The following IL17RD variants were observed in gnomAD, a reference collection of about 807,000 sequenced individuals.
IL17RD encodes interleukin 17 receptor D, also known as interleukin-17 receptor D.
In IL17RD, 52 loss-of-function variants were observed where a neutral mutation model predicts 80.5. The observed-to-expected ratio is 0.65, with a 90% confidence interval of 0.52 to 0.81. The LOEUF (loss-of-function observed/expected upper bound fraction) is 0.81. Among genes scored for constraint, IL17RD ranks in the 40% least tolerant of loss-of-function variants. The pLI is 0.00. For missense variants in IL17RD, 1,024 were observed against 955.1 expected (o/e 1.07, Z -0.95); for synonymous variants, 416 against 391.8 (o/e 1.06, Z -0.73).
At chr3:57,133,325 C>T (rs1707652666) in intron 1 of IL17RD, among the ~76,000 whole-genome samples, 1 of 152,172 alleles carries the variant, frequency 6.6e-6, no homozygotes, top group Admixed American at 6.5e-5. Context: ...GCAGTCTGTT[C>T]TTAAACTATA....
Position 57,094,972 on chromosome 3 carries a change from G to A in IL17RD, c.*1421C>T, listed in dbSNP as rs1179996039. 1 of 152,590 alleles carries A rather than the reference G, an allele frequency of 6.6e-6. No individual in the cohort carries two copies. The highest frequency in any genetic ancestry group is 1.5e-5 in the Non-Finnish European group (1 of 68,038). The allele number at this position is 152,590 out of a possible 1,614,324, so 9.5% of individuals were successfully genotyped here. On this transcript the variant is annotated 3_prime_UTR_variant, in exon 13 of 13. Transcript: ENST00000296318. ...ATACACAAACCTTTTCTTTCCAGCAGGGGTGCAAGCCCCCCTTTCCCCACC... is the reference window on the plus strand; with the variant it reads ...ATACACAAACCTTTTCTTTCCAGCAAGGGTGCAAGCCCCCCTTTCCCCACC...
chr3:57,126,176 A>G (rs1707454784), intron 1 of IL17RD, among the ~76,000 whole-genome samples: 2 of 152,256 alleles, frequency 1.3e-5, no homozygotes, highest in African/African-American at 4.8e-5. Context: ...ATGCCAATGC[A>G]GTGGACTCAG....
At chr3:57,109,690 G>C in intron 4 of IL17RD, 33 bp from the exon 5 acceptor site, 1 of 1,602,166 alleles carries the variant, frequency 6.2e-7, no homozygotes, top group Non-Finnish European at 8.5e-7. Flanking sequence ...TGACATCATG[G>C]AGAAATTACC....
intron 11 of IL17RD, among the ~76,000 whole-genome samples, chr3:57,099,726 A>G (rs1036575391): frequency 1.1e-4 from 16 of 152,232 alleles, no homozygotes; most frequent in Admixed American, 2.6e-4. Flanking sequence ...CAGCAATTCC[A>G]TTTCCAGGCA....
At chr3:57,135,145 C>CA (rs113125013) in intron 1 of IL17RD, among the ~76,000 whole-genome samples, 32,606 of 151,364 alleles carry the variant, frequency 0.22, 4,090 homozygotes, top group East Asian at 0.38. Flanking sequence ...AAAAAACACA[C>CA]AAAAAAAACA....
intron 1 of IL17RD, among the ~76,000 whole-genome samples, chr3:57,154,729 GT>G (rs2060256399): frequency 6.6e-6 from 1 of 152,170 alleles, no homozygotes; most frequent in Non-Finnish European, 1.5e-5. Flanking sequence ...CCCTGAAGCA[GT>G]CTTCCGCCAG....
At chr3:57,157,647 C>T (rs1265178526) in intron 1 of IL17RD, among the ~76,000 whole-genome samples, 1 of 152,228 alleles carries the variant, frequency 6.6e-6, no homozygotes, top group African/African-American at 2.4e-5. Flanking sequence ...GCTCAGGCGG[C>T]GGACTGCTGC....
At chr3:57,099,372 C>T (rs1706775343) in intron 11 of IL17RD, among the ~76,000 whole-genome samples, 1 of 152,158 alleles carries the variant, frequency 6.6e-6, no homozygotes, top group Non-Finnish European at 1.5e-5. Flanking sequence ...CATGTGTGGC[C>T]CCTTAGAGGA....
intron 1 of IL17RD, among the ~76,000 whole-genome samples, chr3:57,136,530 G>A (rs1346746718): frequency 1.3e-5 from 2 of 151,514 alleles, no homozygotes; most frequent in Non-Finnish European, 2.9e-5. Flanking sequence ...AGCTGCTGAG[G>A]AGGATCTCTT....
intron 1 of IL17RD, among the ~76,000 whole-genome samples, chr3:57,147,694 T>A (rs1345997748): frequency 6.6e-6 from 1 of 152,198 alleles, no homozygotes; most frequent in African/African-American, 2.4e-5. Context: ...GGGAGCTTAC[T>A]ACATGAACAT....
intron 1 of IL17RD, among the ~76,000 whole-genome samples, chr3:57,149,300 A>G (rs1032004456): frequency 6.6e-6 from 1 of 151,822 alleles, no homozygotes; most frequent in Non-Finnish European, 1.5e-5. Flanking sequence ...CCATCTCAAA[A>G]AAAAAAAAAA....
chr3:57,136,641 CAAAAA>C lies in IL17RD; in HGVS notation c.127-16333_127-16329del, dbSNP rs59941543. ...CCCTCCCCCGCCCCCAACCCCCACT[CAAAAA>C]AAAAAAAAAAAAAAAAAACTTAGCT... On this transcript the variant is annotated intron_variant, in intron 1 of 12. Coordinates refer to ENST00000296318, the MANE Select transcript of IL17RD (RefSeq NM_017563.5). 0.017 allele frequency among the ~76,000 whole-genome samples: 811 copies of C among 48,108 alleles called. 29 individuals carry two copies. The East Asian group carries it at 0.21, about 13-fold the overall frequency. The allele number at this position is 48,108 out of a possible 152,430, so 31.6% of individuals were successfully genotyped here. A position where few individuals can be genotyped will look rare whatever the true frequency, so the allele number is the denominator to read the frequency against.
intron 1 of IL17RD, among the ~76,000 whole-genome samples, chr3:57,154,283 T>TATATATATACACACACAC (rs904157398): frequency 8.9e-6 from 1 of 112,908 alleles, no homozygotes; most frequent in Admixed American, 1.1e-4. Context: ...TATATATATA[T>TATATATATACACACACAC]ACACACACAC....
At chr3:57,155,002 C>T (rs1034415776) in intron 1 of IL17RD, among the ~76,000 whole-genome samples, 4 of 152,174 alleles carry the variant, frequency 2.6e-5, no homozygotes, top group Admixed American at 6.5e-5. Context: ...GTTCCTCCCA[C>T]GGGGAGGCAA....
At chr3:57,134,633 C>G (rs1707683162) in intron 1 of IL17RD, 2 of 800,638 alleles carry the variant, frequency 2.5e-6, no homozygotes, top group East Asian at 2.5e-5. Flanking sequence ...GGTCTAAGAC[C>G]AAGGAAGCAC....
intron 2 of IL17RD, among the ~76,000 whole-genome samples, chr3:57,115,867 T>C (rs1707204433): frequency 6.6e-6 from 1 of 152,214 alleles, no homozygotes; most frequent in Non-Finnish European, 1.5e-5. Flanking sequence ...GGATAAAGCA[T>C]TCCAGGGGAC....
At chr3:57,168,140 C>G (rs1451238569), upstream of IL17RD, among the ~76,000 whole-genome samples, 2 of 152,180 alleles carry the variant, frequency 1.3e-5, no homozygotes, top group African/African-American at 2.4e-5. Context: ...CCCATTTGTC[C>G]TCTTTCAGGA....
At chr3:57,143,141 G>A (rs1167948395) in intron 1 of IL17RD, among the ~76,000 whole-genome samples, 1 of 152,206 alleles carries the variant, frequency 6.6e-6, no homozygotes, top group Non-Finnish European at 1.5e-5. Context: ...AAAGTAGAGA[G>A]CAGCTGCTGG....
At chr3:57,132,197 G>A (rs1707623815) in intron 1 of IL17RD, among the ~76,000 whole-genome samples, 1 of 151,494 alleles carries the variant, frequency 6.6e-6, no homozygotes, top group Admixed American at 6.6e-5. Flanking sequence ...GAAGGGGCGG[G>A]CGCAGCGGCT....
Sources: allele counts gnomAD v4.1 joint callset (sites outside exome capture counted in the v4.1 genomes callset), GRCh38; gene constraint gnomAD v4.1.1; transcripts MANE v1.5; gene names NCBI Gene and HGNC (gene_info 2026-07-23, HGNC 2026-07-21).